FLT1: variants seen among roughly 807,000 people sequenced by gnomAD.
FLT1 encodes the protein fms related receptor tyrosine kinase 1, also known as vascular endothelial growth factor receptor 1.
FLT1 carries 49 observed loss-of-function variants against 156.3 expected under a neutral mutation model. The ratio of observed to expected loss-of-function variants is 0.31; its 90% CI spans 0.25 to 0.40. The LOEUF (loss-of-function observed/expected upper bound fraction) is 0.40. Among genes scored for constraint, FLT1 ranks in the 10% least tolerant of loss-of-function variants. The probability of loss-of-function intolerance (pLI) is 1.00; values close to 1 mark genes in which losing one functional copy is unlikely to be tolerated. For synonymous variants in FLT1, 594 were observed against 583.8 expected (o/e 1.02, Z -0.25); for missense variants, 1,322 against 1,637.2 (o/e 0.81, Z 3.32).
intron 14 of FLT1, among the ~76,000 whole-genome samples, chr13:28,364,712 C>T (rs1274498467): frequency 6.6e-6 from 1 of 152,164 alleles, no homozygotes; most frequent in Non-Finnish European, 1.5e-5. Context: ...TGTGCCAGCT[C>T]TGTTCAGATA....
rs183283493 is a variant in FLT1 at position 28,417,159 on chromosome 13, C to T, written c.1436+10000G>A. 2.0e-5 allele frequency among the ~76,000 whole-genome samples: 3 copies of T among 152,330 alleles called. No individual in the cohort carries two copies. In the East Asian group the frequency reaches 5.8e-4, roughly 29 times the overall value. On this transcript the variant is annotated intron_variant, in intron 10 of 29. Coordinates refer to ENST00000282397, the MANE Select transcript of FLT1 (RefSeq NM_002019.4). ...CAGGCACTAGCCAGGTAGTGACTGC[C>T]TGCCTCAACCATTCAGCCTCTACTG...
chr13:28,480,181 T>G (rs963441529), intron 1 of FLT1, among the ~76,000 whole-genome samples: 1 of 152,310 alleles, frequency 6.6e-6, no homozygotes, highest in Non-Finnish European at 1.5e-5. Flanking sequence ...CCAATCCTGG[T>G]TTTTCCCCTC....
intron 1 of FLT1, among the ~76,000 whole-genome samples, chr13:28,494,237 CT>C (rs767440368): frequency 6.6e-6 from 1 of 152,240 alleles, no homozygotes; most frequent in Non-Finnish European, 1.5e-5. Flanking sequence ...CACGAGTCCC[CT>C]CCAAATCGGC....
intron 1 of FLT1, among the ~76,000 whole-genome samples, chr13:28,474,505 C>CACACACACACAGACACACAGACACACAG (rs1555245752): frequency 6.6e-6 from 1 of 150,804 alleles, no homozygotes; most frequent in Admixed American, 6.6e-5. Flanking sequence ...CACACACACA[C>CACACACACACAGACACACAGACACACAG]ACACACACAC....
chr13:28,386,709 C>T, intron 13 of FLT1: 2 of 1,055,838 alleles, frequency 1.9e-6, no homozygotes, highest in Middle Eastern at 4.3e-4. Context: ...CATGCTTGCT[C>T]ATTACAATTT....
chr13:28,413,611 A>T (rs1266032091), intron 10 of FLT1, among the ~76,000 whole-genome samples: 1 of 152,154 alleles, frequency 6.6e-6, no homozygotes, highest in Non-Finnish European at 1.5e-5. Context: ...AGAAATCTTT[A>T]AAAAAATATT....
At chr13:28,460,673 C>G (rs1489438854) in intron 3 of FLT1, among the ~76,000 whole-genome samples, 1 of 139,882 alleles carries the variant, frequency 7.1e-6, no homozygotes, top group African/African-American at 2.6e-5. Flanking sequence ...CCCACCCCCC[C>G]AAAAAATCAC....
intron 3 of FLT1, among the ~76,000 whole-genome samples, chr13:28,441,594 A>T (rs575638418): frequency 6.6e-6 from 1 of 152,162 alleles, no homozygotes; most frequent in Non-Finnish European, 1.5e-5. Flanking sequence ...TATCAAAAAT[A>T]TAAATATATA....
chr13:28,454,107 C>T (rs1217144341), intron 3 of FLT1, among the ~76,000 whole-genome samples: 1 of 152,164 alleles, frequency 6.6e-6, no homozygotes, highest in Non-Finnish European at 1.5e-5. Flanking sequence ...TGCTCTTTCC[C>T]CAGTATGGTT....
At position 28,371,787 on chromosome 13, in the gene FLT1, C is replaced by T. The variant is rs1478841423; in HGVS notation, c.2116+13098G>A. Among the ~76,000 whole-genome samples the T allele has an allele frequency of 2.6e-5, 4 of 151,920 alleles. 1 individual carries two copies. The highest frequency in any genetic ancestry group is 3.9e-4 in the East Asian group (2 of 5,180). ...TTGTGGGTAGAAGGCATGAACAGAG[C>T]GTGTTCTGATGGACAGCAATTGGTA... is the stretch of plus-strand genomic sequence containing the variant. On this transcript the variant is annotated intron_variant, in intron 14 of 29. Transcript: ENST00000282397.
chr13:28,413,869 A>T (rs1414488230), intron 10 of FLT1, among the ~76,000 whole-genome samples: 1 of 152,190 alleles, frequency 6.6e-6, no homozygotes, highest in Non-Finnish European at 1.5e-5. Context: ...CTGAGGTGAA[A>T]TCATGGTTTT....
At chr13:28,338,471 G>A (rs1427326310) in intron 17 of FLT1, among the ~76,000 whole-genome samples, 4 of 152,170 alleles carry the variant, frequency 2.6e-5, no homozygotes, top group East Asian at 3.8e-4. Flanking sequence ...GCTTTGTGAC[G>A]TCTGAGCTGG....
chr13:28,364,638 A>T (rs1278319001), intron 14 of FLT1, among the ~76,000 whole-genome samples: 3 of 152,186 alleles, frequency 2.0e-5, no homozygotes, highest in African/African-American at 7.2e-5. Flanking sequence ...AATTTTTACC[A>T]TATAAATAGC....
rs544277518 is a variant in FLT1 at position 28,384,832 on chromosome 13, G to A, written c.2116+53C>T. The A allele has an allele frequency of 3.9e-4, 610 of 1,555,122 alleles. 10 individuals are homozygous for A. In the South Asian group the frequency reaches 6.4e-3, roughly 16 times the overall value. ...AGGTGACGGGACTGTTAAGGGAAAG[G>A]GGGGCTGATGAAAGATGAGAAATAA... On this transcript the variant is annotated intron_variant, in intron 14 of 29. Transcript: ENST00000282397.
intron 24 of FLT1, 88 bp downstream of exon 24, chr13:28,319,335 C>CTTTA: frequency 4.6e-6 from 4 of 877,382 alleles, no homozygotes; most frequent in Non-Finnish European, 7.5e-6. Flanking sequence ...AGGTTCTAAT[C>CTTTA]TAAAGGCTGT....
chr13:28,427,798 T>G lies in FLT1; in HGVS notation c.1230A>C (p.Lys410Asn), dbSNP rs2137539821. 12 of 1,613,942 alleles carry G rather than the reference T, an allele frequency of 7.4e-6. No homozygotes were observed. The highest frequency in any genetic ancestry group is 1.0e-5 in the Non-Finnish European group (12 of 1,179,870). Residue 410 changes from lysine (K) to asparagine (N), a missense_variant, in exon 9 of 30, where the codon AAA (lysine) becomes AAC (asparagine). Physicochemically the swap from Lys to Asn is moderately conservative, Grantham distance 94. Around this residue, in one of 3 missense-constraint regions of FLT1, gnomAD observed 991 missense variants for 1,254.8 expected, o/e 0.79. Transcript: ENST00000282397. ...TGAGGTTTTTAAACACATTTGACTG[T>G]TTTATGCTCAGCAAGATTGTATAAT... ...AGNYTILLSI[K>N]QSNVFKNLTA...
intron 13 of FLT1, chr13:28,387,969 G>T (rs1479640483): frequency 1.9e-6 from 2 of 1,061,020 alleles, no homozygotes; most frequent in Non-Finnish European, 2.3e-6. Context: ...GGAAGGAAAT[G>T]GTAGGTTCTG....
intron 28 of FLT1, 39 bp from the exon 29 acceptor site, chr13:28,306,811 C>G: frequency 1.4e-6 from 2 of 1,380,224 alleles, no homozygotes; most frequent in Non-Finnish European, 2.1e-6. Context: ...CTTGCCTGGC[C>G]CAGCGGGGGT....
At chr13:28,452,737 T>G (rs1879019770) in intron 3 of FLT1, among the ~76,000 whole-genome samples, 1 of 152,138 alleles carries the variant, frequency 6.6e-6, no homozygotes, top group Admixed American at 6.5e-5. Context: ...TCCCACCCAG[T>G]TCTTTATATT....
Sources: allele counts gnomAD v4.1 joint callset (sites outside exome capture counted in the v4.1 genomes callset), GRCh38; gene constraint gnomAD v4.1.1; regional missense constraint gnomAD v4.1.1; transcripts MANE v1.5; gene names NCBI Gene and HGNC (gene_info 2026-07-23, HGNC 2026-07-21).